The following LRP1B variants were observed in gnomAD, a reference collection of about 807,000 sequenced individuals.
LRP1B encodes the protein low-density lipoprotein receptor-related protein 1B.
A neutral mutation model predicts 556.6 loss-of-function variants in LRP1B; 217 were observed. That is an observed-to-expected ratio of 0.39 (90% confidence interval 0.35 to 0.44). The LOEUF (loss-of-function observed/expected upper bound fraction) is 0.44, where lower values mean the gene tolerates loss of function less well. Among genes scored for constraint, LRP1B ranks in the 20% least tolerant of loss-of-function variants. The probability of loss-of-function intolerance (pLI) is 1.00; values close to 1 mark genes in which losing one functional copy is unlikely to be tolerated. For synonymous variants in LRP1B, 2,047 were observed against 1,865.8 expected (o/e 1.10, Z -2.50); for missense variants, 5,053 against 5,620.8 (o/e 0.90, Z 3.23).
intron 2 of LRP1B, among the ~76,000 whole-genome samples, chr2:141,480,897 T>A (rs1273863160): frequency 2.0e-5 from 3 of 152,218 alleles, no homozygotes; most frequent in Non-Finnish European, 4.4e-5. Context: ...TTTCCTCAGC[T>A]GTAAACTATG....
intron 2 of LRP1B, among the ~76,000 whole-genome samples, chr2:141,656,371 T>A (rs76870889): frequency 0.011 from 1,721 of 152,276 alleles, 20 homozygotes; most frequent in South Asian, 0.024. Context: ...GATAAATGTT[T>A]CATCTATCTC....
intron 2 of LRP1B, among the ~76,000 whole-genome samples, chr2:141,529,416 A>C (rs2105188863): frequency 6.6e-6 from 1 of 152,370 alleles, no homozygotes; most frequent in South Asian, 2.1e-4. Flanking sequence ...AGAGAACAGC[A>C]GAAAGTAGCA....
chr2:141,956,605 G>T (rs1701261034), intron 1 of LRP1B, among the ~76,000 whole-genome samples: 1 of 151,260 alleles, frequency 6.6e-6, no homozygotes, highest in Non-Finnish European at 1.5e-5. Context: ...AAATTTATCA[G>T]TCTTTTATGT....
intron 40 of LRP1B, among the ~76,000 whole-genome samples, chr2:140,700,997 T>C (rs1316042761): frequency 1.3e-5 from 2 of 152,122 alleles, no homozygotes; most frequent in African/African-American, 4.8e-5. Context: ...TTAAACTCTA[T>C]CTTTGAGATA....
At chr2:140,586,360 C>T (rs1358006724) in intron 43 of LRP1B, among the ~76,000 whole-genome samples, 15 of 152,156 alleles carry the variant, frequency 9.9e-5, no homozygotes, top group African/African-American at 2.4e-5. Flanking sequence ...TCTGCTCTCT[C>T]TAGCTAAAAG....
intron 27 of LRP1B, among the ~76,000 whole-genome samples, chr2:140,854,881 C>T (rs1692567433): frequency 6.6e-6 from 1 of 152,116 alleles, no homozygotes; most frequent in Non-Finnish European, 1.5e-5. Flanking sequence ...TAAACTTCTA[C>T]CAAAGCCAAG....
At chr2:140,804,071 G>GA (rs34454067) in intron 32 of LRP1B, among the ~76,000 whole-genome samples, 20 of 147,768 alleles carry the variant, frequency 1.4e-4, no homozygotes, top group Admixed American at 2.7e-4. Flanking sequence ...AGTAAGCTTT[G>GA]AAAAAAAAAA....
At chr2:140,952,025 A>ATG in intron 18 of LRP1B, 85 bp from the exon 19 acceptor site, 1 of 951,174 alleles carries the variant, frequency 1.1e-6, no homozygotes, top group Non-Finnish European at 1.7e-6. Context: ...ATGTGATCAG[A>ATG]ACTCCTTCCC....
intron 56 of LRP1B, among the ~76,000 whole-genome samples, chr2:140,493,730 T>C (rs1688800672): frequency 6.6e-6 from 1 of 152,218 alleles, no homozygotes; most frequent in African/African-American, 2.4e-5. Context: ...TATTGTCCTT[T>C]TTAAATTGTT....
intron 3 of LRP1B, among the ~76,000 whole-genome samples, chr2:141,307,262 A>G (rs184007996): frequency 1.3e-5 from 2 of 152,236 alleles, no homozygotes; most frequent in Admixed American, 1.3e-4. Flanking sequence ...AGATTTAATA[A>G]TATTTGCTTT....
At chr2:141,947,712 T>C (rs1700991858) in intron 1 of LRP1B, among the ~76,000 whole-genome samples, 2 of 151,958 alleles carry the variant, frequency 1.3e-5, no homozygotes, top group Admixed American at 1.3e-4. Context: ...TAGAGCAACA[T>C]GTAAACATAA....
At chr2:141,764,325 C>T (rs1242747163) in intron 2 of LRP1B, among the ~76,000 whole-genome samples, 1 of 152,064 alleles carries the variant, frequency 6.6e-6, no homozygotes, top group African/African-American at 2.4e-5. Flanking sequence ...GGACTACAGG[C>T]GCCCGCCACC....
At chr2:141,336,171 G>C (rs1181502371) in intron 3 of LRP1B, among the ~76,000 whole-genome samples, 1 of 150,562 alleles carries the variant, frequency 6.6e-6, no homozygotes, top group African/African-American at 2.4e-5. Flanking sequence ...GGATGTGTGA[G>C]AGTGGAAATG....
intron 14 of LRP1B, 82 bp from the exon 15 acceptor site, chr2:141,005,539 C>T: frequency 7.9e-7 from 1 of 1,258,344 alleles, no homozygotes; most frequent in Non-Finnish European, 1.1e-6. Flanking sequence ...TAATTACATA[C>T]ACTTATATAT....
At chr2:140,739,691 C>G (rs1688071901) in intron 35 of LRP1B, among the ~76,000 whole-genome samples, 1 of 152,082 alleles carries the variant, frequency 6.6e-6, no homozygotes, top group Non-Finnish European at 1.5e-5. Context: ...TGTGCTAGGA[C>G]TGCCATAAAA....
chr2:141,756,213 G>GTA (rs1368544664), intron 2 of LRP1B, among the ~76,000 whole-genome samples: 1 of 151,936 alleles, frequency 6.6e-6, no homozygotes, highest in African/African-American at 2.4e-5. Context: ...TAATCAGTAT[G>GTA]TTGATATTTG....
chr2:141,647,696 CCTT>C lies in LRP1B; in HGVS notation c.205+162580_205+162582del, dbSNP rs1028122215. Among the ~76,000 whole-genome samples, 9 of 111,676 alleles carry C rather than the reference CCTT, an allele frequency of 8.1e-5. No individual in the cohort carries two copies. In the South Asian group the frequency reaches 9.8e-4, roughly 12 times the overall value. The allele number at this position is 111,676 out of a possible 152,430, so 73.3% of individuals were successfully genotyped here. A position where few individuals can be genotyped will look rare whatever the true frequency, so the allele number is the denominator to read the frequency against. The stretch of plus-strand genomic sequence containing the variant: ...CTGAGAAGTTTAGAACAGGGAATAA[CCTT>C]CTAGTTTTTTTTTTTTTAAATAAGA... On this transcript the variant is annotated intron_variant, in intron 2 of 90. Coordinates refer to ENST00000389484, the MANE Select transcript of LRP1B (RefSeq NM_018557.3).
At chr2:140,655,964 G>A (rs1160435046) in intron 41 of LRP1B, among the ~76,000 whole-genome samples, 2 of 146,374 alleles carry the variant, frequency 1.4e-5, no homozygotes, top group South Asian at 2.1e-4. Flanking sequence ...AAAAAGAATA[G>A]GCAGAGTATA....
At chr2:141,198,993 T>C (rs1435727871) in intron 6 of LRP1B, among the ~76,000 whole-genome samples, 1 of 152,174 alleles carries the variant, frequency 6.6e-6, no homozygotes, top group Admixed American at 6.6e-5. Context: ...TACAATAGTT[T>C]CTATAACTGC....
Sources: gnomAD v4.1 joint callset for allele counts (sites outside exome capture counted in the v4.1 genomes callset) on GRCh38, gnomAD v4.1.1 for gene constraint, MANE v1.5 for transcripts, NCBI Gene and HGNC (gene_info 2026-07-23, HGNC 2026-07-21) for gene names.